CNDP1: variants seen among roughly 807,000 people sequenced by gnomAD.
CNDP1 encodes carnosine dipeptidase 1, also known as beta-Ala-His dipeptidase.
CNDP1 carries 44 observed loss-of-function variants against 58.1 expected under a neutral mutation model. That is an observed-to-expected ratio of 0.76 (90% CI 0.60 to 0.97). CNDP1 has a LOEUF of 0.97. CNDP1 is among the 50% of genes least tolerant of loss of function. The pLI, the probability that CNDP1 is intolerant of heterozygous loss-of-function variation, is 0.00. For missense variants in CNDP1, 616 were observed against 655.1 expected, an observed-to-expected ratio of 0.94 and a Z score of 0.65; for synonymous variants, 254 against 252.6, an observed-to-expected ratio of 1.01 and a Z score of -0.05.
At chr18:74,553,263 C>G (rs1341782739) in intron 1 of CNDP1, among the ~76,000 whole-genome samples, 1 of 152,102 alleles carries the variant, frequency 6.6e-6, no homozygotes, top group Non-Finnish European at 1.5e-5. Flanking sequence ...CTTTGGTGCA[C>G]AAATGTTTTT....
At chr18:74,565,083 G>A (rs1385114001) in intron 5 of CNDP1, among the ~76,000 whole-genome samples, 1 of 152,164 alleles carries the variant, frequency 6.6e-6, no homozygotes, top group Non-Finnish European at 1.5e-5. Context: ...GAGTAAATGA[G>A]GAAAAAGCAA....
chr18:74,578,047 G>C, intron 8 of CNDP1, 116 bp from the exon 9 acceptor site: 1 of 906,666 alleles, frequency 1.1e-6, no homozygotes, highest in Admixed American at 2.5e-5. Flanking sequence ...GCTGAGTAAG[G>C]TGACAGTTAA....
intron 10 of CNDP1, 127 bp from the exon 11 acceptor site, chr18:74,583,434 A>G: frequency 1.3e-6 from 1 of 762,996 alleles, no homozygotes; most frequent in East Asian, 2.5e-5. Flanking sequence ...CACCAAATCT[A>G]ATGGTAAAAA....
chr18:74,550,579 AT>A (rs796382003), intron 1 of CNDP1, among the ~76,000 whole-genome samples: 6,711 of 138,120 alleles, frequency 0.049, 434 homozygotes, highest in African/African-American at 0.15. Flanking sequence ...GCATTATTGA[AT>A]TTTTTTTTTT....
At chr18:74,574,088 T>A (rs1250915657) in intron 7 of CNDP1, among the ~76,000 whole-genome samples, 1 of 151,868 alleles carries the variant, frequency 6.6e-6, no homozygotes, top group Admixed American at 6.6e-5. Flanking sequence ...CAGGTGAGAG[T>A]CGGCTGTGCT....
chr18:74,586,922 G>T lies in CNDP1; in HGVS notation c.*2360G>T, dbSNP rs1162792368. ...AAAAAAGGGAGAAATTTAAATATTT[G>T]TTTTTTAACATTTTAATGATGAAAT... On this transcript the variant is annotated 3_prime_UTR_variant, in exon 12 of 12. Coordinates refer to ENST00000358821, the MANE Select transcript of CNDP1 (RefSeq NM_032649.6). 1 of 152,188 alleles carries T rather than the reference G, an allele frequency of 6.6e-6. No homozygotes were observed. The highest frequency in any genetic ancestry group is 1.5e-5 in the Non-Finnish European group (1 of 68,028). The allele number at this position is 152,188 out of a possible 1,614,324, so 9.4% of individuals were successfully genotyped here.
rs189866897 is a variant in CNDP1 at position 74,547,271 on chromosome 18, C to G, written c.25-9067C>G. On this transcript the variant is annotated intron_variant, in intron 1 of 11. Transcript: ENST00000358821. ...CCTCTATAAAACAATCCCACAAGGACTCTAGACTAGGAGGGCAATAGAATT... is the reference window on the plus strand; with the variant it reads ...CCTCTATAAAACAATCCCACAAGGAGTCTAGACTAGGAGGGCAATAGAATT... Among the ~76,000 whole-genome samples, 4 of 152,300 alleles carry G rather than the reference C, an allele frequency of 2.6e-5. No individual in the cohort carries two copies. In the East Asian group the frequency reaches 7.7e-4, roughly 29 times the overall value.
At chr18:74,568,397 G>T (rs993958766) in intron 6 of CNDP1, among the ~76,000 whole-genome samples, 7 of 152,170 alleles carry the variant, frequency 4.6e-5, no homozygotes, top group African/African-American at 1.4e-4. Flanking sequence ...AAAGAGATGT[G>T]GGAGTGACAG....
chr18:74,579,226 T>G (rs1444469381), intron 9 of CNDP1, among the ~76,000 whole-genome samples: 2 of 136,136 alleles, frequency 1.5e-5, no homozygotes, highest in Non-Finnish European at 3.2e-5. Flanking sequence ...TTCCCTTCCC[T>G]TCCCTCACCT....
At chr18:74,538,436 T>C (rs1373580637) in intron 1 of CNDP1, among the ~76,000 whole-genome samples, 1 of 152,264 alleles carries the variant, frequency 6.6e-6, no homozygotes, top group Non-Finnish European at 1.5e-5. Flanking sequence ...TCCATTTGTT[T>C]GTTGGTGGAC....
chr18:74,539,427 G>T, intron 1 of CNDP1, among the ~76,000 whole-genome samples: 1 of 152,172 alleles, frequency 6.6e-6, no homozygotes, highest in South Asian at 2.1e-4. Flanking sequence ...CCAGCTCCCG[G>T]AGGCTTCCTC....
At chr18:74,551,628 A>ACT (rs1485873063) in intron 1 of CNDP1, among the ~76,000 whole-genome samples, 2 of 152,144 alleles carry the variant, frequency 1.3e-5, no homozygotes, top group African/African-American at 4.8e-5. Flanking sequence ...TGTCAGGGCC[A>ACT]CTGTCAGGTC....
intron 5 of CNDP1, among the ~76,000 whole-genome samples, chr18:74,564,039 C>G (rs1018878073): frequency 2.0e-5 from 3 of 152,190 alleles, no homozygotes; most frequent in African/African-American, 7.2e-5. Context: ...GAACAAATTA[C>G]TATCCCCCAA....
chr18:74,546,454 C>G (rs917025540), intron 1 of CNDP1, among the ~76,000 whole-genome samples: 1 of 152,164 alleles, frequency 6.6e-6, no homozygotes, highest in Non-Finnish European at 1.5e-5. Context: ...AGAGAAGACG[C>G]TGTACAGTGC....
rs751436660 is a variant in CNDP1, at chr18:74,545,673, G to A, written c.25-10665G>A. 6.6e-6 allele frequency among the ~76,000 whole-genome samples: 1 copy of A among 152,024 alleles called. No homozygotes were observed. The highest frequency in any genetic ancestry group is 2.4e-5 in the African/African-American group (1 of 41,356). On this transcript the variant is annotated intron_variant, in intron 1 of 11. Coordinates refer to ENST00000358821, the MANE Select transcript of CNDP1 (RefSeq NM_032649.6). This position sits in a 1 kb window ranked among gnomAD's most constrained non-coding sequence, Gnocchi z 4.1. ...TCCGACCCTCCTCCTCCTCTCTGCT[G>A]TTCTGCGGCCGGAACATCTTAATTT...
intron 3 of CNDP1, among the ~76,000 whole-genome samples, chr18:74,560,146 G>A (rs931197104): frequency 6.6e-6 from 1 of 151,682 alleles, no homozygotes; most frequent in Non-Finnish European, 1.5e-5. Context: ...CTCCCGAGTA[G>A]CTGGGATTTC....
intron 5 of CNDP1, among the ~76,000 whole-genome samples, chr18:74,566,742 C>A (rs899742123): frequency 6.6e-6 from 1 of 152,224 alleles, no homozygotes; most frequent in Admixed American, 6.5e-5. Context: ...GTGTCTTCTT[C>A]TGAGCCCTTC....
rs766854221 is a variant in CNDP1 at position 74,571,276 on chromosome 18, G to A, written c.841+6G>A. 1 of 1,592,396 alleles carries A rather than the reference G, an allele frequency of 6.3e-7. No individual in the cohort carries two copies. Among genetic ancestry groups the A allele is most frequent in the Non-Finnish European group, 8.6e-7 (1 of 1,160,486 alleles). ...TGATCTGGTTGCTCTTCTCGGTAAT[G>A]CCTTATTTTGTTTCACTTTTTAAGC... is the stretch of plus-strand genomic sequence containing the variant. On this transcript the variant is annotated splice_donor_region_variant and intron_variant, in intron 7 of 11. Coordinates refer to ENST00000358821, the MANE Select transcript of CNDP1 (RefSeq NM_032649.6).
chr18:74,583,334 G>A (rs902621777), intron 10 of CNDP1, among the ~76,000 whole-genome samples: 1 of 152,102 alleles, frequency 6.6e-6, no homozygotes, highest in African/African-American at 2.4e-5. Context: ...GTAGGTAATT[G>A]TGAAGAAGAC....
Sources: allele counts gnomAD v4.1 joint callset (sites outside exome capture counted in the v4.1 genomes callset), GRCh38; gene constraint gnomAD v4.1.1; non-coding constraint Gnocchi (gnomAD v3.1); transcripts MANE v1.5; gene names NCBI Gene and HGNC (gene_info 2026-07-23, HGNC 2026-07-21).